The following RAD51B variants were observed in gnomAD, a reference collection of about 807,000 sequenced individuals.
The protein encoded by RAD51B is RAD51 paralog B.
A neutral mutation model predicts 42.2 loss-of-function variants in RAD51B; 38 were observed. The ratio of observed to expected loss-of-function variants is 0.90; its 90% confidence interval spans 0.70 to 1.18. The LOEUF is 1.18. Among genes scored for constraint, RAD51B ranks in the 50% most tolerant of loss-of-function variants. The pLI, the probability that RAD51B is intolerant of heterozygous loss-of-function variation, is 0.00. For missense variants in RAD51B, 373 were observed against 400.7 expected (o/e 0.93, Z 0.59); for synonymous variants, 154 against 145.2 (o/e 1.06, Z -0.43).
At chr14:68,464,917 AT>A (rs1243446013) in intron 9 of RAD51B, among the ~76,000 whole-genome samples, 1 of 152,092 alleles carries the variant, frequency 6.6e-6, no homozygotes, top group African/African-American at 2.4e-5. Flanking sequence ...GAACTCTTTG[AT>A]TTCCGGCAGA....
intron 8 of RAD51B, among the ~76,000 whole-genome samples, chr14:68,374,368 G>T (rs2083322679): frequency 6.6e-6 from 1 of 152,180 alleles, no homozygotes; most frequent in South Asian, 2.1e-4. Context: ...ATGTCAACAT[G>T]ATATAATGAG....
intron 10 of RAD51B, among the ~76,000 whole-genome samples, chr14:68,508,335 G>C (rs979527509): frequency 1.3e-5 from 2 of 152,142 alleles, no homozygotes; most frequent in South Asian, 4.1e-4. Context: ...TTCTGAAACT[G>C]CTTTGAGGTG....
At chr14:68,121,820 A>G (rs1407921779) in intron 7 of RAD51B, among the ~76,000 whole-genome samples, 2 of 152,186 alleles carry the variant, frequency 1.3e-5, no homozygotes, top group African/African-American at 4.8e-5. Flanking sequence ...CGGTGGGACT[A>G]GACCAATTTT....
intron 7 of RAD51B, among the ~76,000 whole-genome samples, chr14:68,221,351 C>T (rs867189210): frequency 3.9e-5 from 6 of 151,984 alleles, no homozygotes; most frequent in African/African-American, 1.2e-4. Context: ...ACACATAGAC[C>T]AATGAAACAG....
At chr14:68,362,859 T>A (rs113609479) in intron 8 of RAD51B, among the ~76,000 whole-genome samples, 48 of 150,302 alleles carry the variant, frequency 3.2e-4, no homozygotes, top group Non-Finnish European at 5.6e-4. Context: ...AAAAAAAAAA[T>A]TAAAAAAAAA....
At chr14:67,915,524 G>A (rs558149925) in intron 7 of RAD51B, among the ~76,000 whole-genome samples, 2 of 152,152 alleles carry the variant, frequency 1.3e-5, no homozygotes, top group African/African-American at 2.4e-5. Flanking sequence ...GGGAAATGAC[G>A]TTGGGTTAAG....
chr14:67,972,484 C>T (rs767738761), intron 7 of RAD51B, among the ~76,000 whole-genome samples: 1 of 152,064 alleles, frequency 6.6e-6, no homozygotes, highest in South Asian at 2.1e-4. Flanking sequence ...CCTTTCATGT[C>T]TATGTCTGCC....
chr14:68,583,283 G>A (rs184421681), intron 10 of RAD51B, among the ~76,000 whole-genome samples: 16 of 152,306 alleles, frequency 1.1e-4, no homozygotes, highest in Non-Finnish European at 2.1e-4. Flanking sequence ...CCTGCCAGGA[G>A]GGGGTGACAC....
At chr14:67,842,998 C>T (rs139572646) in intron 4 of RAD51B, among the ~76,000 whole-genome samples, 260 of 152,148 alleles carry the variant, frequency 1.7e-3, no homozygotes, top group African/African-American at 6.1e-3. Context: ...GTTGAACTAG[C>T]CCTGCGTCTC....
chr14:68,130,956 G>C (rs569039994), intron 7 of RAD51B, among the ~76,000 whole-genome samples: 3 of 152,000 alleles, frequency 2.0e-5, no homozygotes, highest in Admixed American at 6.6e-5. Flanking sequence ...GAAAAGTCAG[G>C]CTCTATTTGT....
chr14:67,843,075 T>C (rs936314182), intron 4 of RAD51B, among the ~76,000 whole-genome samples: 1 of 152,178 alleles, frequency 6.6e-6, no homozygotes, highest in Non-Finnish European at 1.5e-5. Flanking sequence ...AGTTTGCTCA[T>C]ATTTTCTTGC....
At chr14:68,660,801 G>A (rs566838055) in intron 11 of RAD51B, among the ~76,000 whole-genome samples, 37 of 152,324 alleles carry the variant, frequency 2.4e-4, no homozygotes, top group Non-Finnish European at 4.7e-4. Context: ...GGTAGGAAGA[G>A]CCACTTGTTT....
intron 10 of RAD51B, among the ~76,000 whole-genome samples, chr14:68,516,408 T>G (rs1198948327): frequency 6.6e-6 from 1 of 152,248 alleles, no homozygotes; most frequent in East Asian, 1.9e-4. Flanking sequence ...CTCTTGACTG[T>G]CCGGCTTAAT....
At chr14:68,660,501 G>A (rs575587445) in intron 11 of RAD51B, among the ~76,000 whole-genome samples, 2 of 152,342 alleles carry the variant, frequency 1.3e-5, no homozygotes, top group Non-Finnish European at 2.9e-5. Flanking sequence ...GAGAATCAGA[G>A]GACCTGGTCT....
At chr14:68,226,243 G>A (rs988096820) in intron 7 of RAD51B, among the ~76,000 whole-genome samples, 1 of 152,182 alleles carries the variant, frequency 6.6e-6, no homozygotes, top group African/African-American at 2.4e-5. Flanking sequence ...TCTATAAAAT[G>A]AGGGAGCCAA....
chr14:68,680,221 C>T (rs1396919159), intron 11 of RAD51B, among the ~76,000 whole-genome samples: 1 of 152,042 alleles, frequency 6.6e-6, no homozygotes, highest in Non-Finnish European at 1.5e-5. Context: ...TAAATCAAGC[C>T]CTGAGTATAG....
chr14:67,996,002 C>T (rs116415660), intron 7 of RAD51B, among the ~76,000 whole-genome samples: 1,574 of 152,044 alleles, frequency 0.01, 27 homozygotes, highest in African/African-American at 0.036. Context: ...ATATAGTATT[C>T]CAGATGGTGT....
chr14:67,890,586 T>C (rs2140063920), intron 7 of RAD51B, among the ~76,000 whole-genome samples: 1 of 151,130 alleles, frequency 6.6e-6, no homozygotes, highest in African/African-American at 2.4e-5. Flanking sequence ...GCATTAGGTA[T>C]ATCTCCCAGT....
intron 7 of RAD51B, among the ~76,000 whole-genome samples, chr14:68,026,284 A>G (rs1367653582): frequency 6.6e-6 from 1 of 152,176 alleles, no homozygotes; most frequent in Non-Finnish European, 1.5e-5. Context: ...TGATCTTAGA[A>G]TGTATTCCAT....
Sources: gnomAD v4.1 joint callset for allele counts (sites outside exome capture counted in the v4.1 genomes callset) on GRCh38, gnomAD v4.1.1 for gene constraint, MANE v1.5 for transcripts, NCBI Gene and HGNC (gene_info 2026-07-23, HGNC 2026-07-21) for gene names.